Variants in TCF7 observed in about 807,000 individuals in gnomAD.
TCF7 encodes the protein transcription factor 7, also known as T-cell-factor-7.
In TCF7, 19 loss-of-function variants were observed where a neutral mutation model predicts 46.8. The observed-to-expected ratio is 0.41, with a 90% confidence interval of 0.28 to 0.60. The LOEUF (loss-of-function observed/expected upper bound fraction) is 0.60, where lower values mean the gene tolerates loss of function less well. TCF7 is among the 20% of genes least tolerant of loss of function. The pLI, the probability that TCF7 is intolerant of heterozygous loss-of-function variation, is 0.35. For synonymous variants in TCF7, 245 were observed against 213.4 expected (o/e 1.15, Z -1.29); for missense variants, 547 against 504.6 (o/e 1.08, Z -0.81).
At chr5:134,118,155 T>G (rs143824291) in intron 3 of TCF7, among the ~76,000 whole-genome samples, 13 of 152,328 alleles carry the variant, frequency 8.5e-5, no homozygotes, top group African/African-American at 2.4e-4. Flanking sequence ...AGAAGCATAT[T>G]TATTATTGGA....
upstream of TCF7, among the ~76,000 whole-genome samples, chr5:134,114,544 G>A (rs1208979012): frequency 6.6e-6 from 1 of 151,990 alleles, no homozygotes. Flanking sequence ...CTCTCTCAGG[G>A]TGCGCTCCGG....
intron 3 of TCF7, among the ~76,000 whole-genome samples, chr5:134,133,739 C>T (rs1305659632): frequency 6.6e-6 from 1 of 152,166 alleles, no homozygotes; most frequent in Non-Finnish European, 1.5e-5. Flanking sequence ...AGTGAGTTCT[C>T]TGCCCCACCC....
chr5:134,119,789 T>C (rs1756325222), intron 3 of TCF7, among the ~76,000 whole-genome samples: 1 of 152,234 alleles, frequency 6.6e-6, no homozygotes, highest in Admixed American at 6.5e-5. Context: ...CGAGGAGCTT[T>C]GCAGAGATGC....
At chr5:134,125,525 C>G (rs776922016) in intron 3 of TCF7, among the ~76,000 whole-genome samples, 3 of 152,232 alleles carry the variant, frequency 2.0e-5, no homozygotes, top group Non-Finnish European at 4.4e-5. Flanking sequence ...AAGCTTCAGG[C>G]CCTGTGGCTG....
intron 3 of TCF7, among the ~76,000 whole-genome samples, chr5:134,121,040 G>A (rs1196493632): frequency 2.0e-5 from 3 of 152,160 alleles, no homozygotes; most frequent in Non-Finnish European, 4.4e-5. Context: ...GGAGGGGTCT[G>A]GAGGTCTGAA....
chr5:134,142,983 C>T lies in TCF7; in HGVS notation c.919-10C>T, dbSNP rs1275567103. 1 of 1,613,788 alleles carries T rather than the reference C, an allele frequency of 6.2e-7. No homozygotes were observed. Among genetic ancestry groups the T allele is most frequent in the Admixed American group, 1.7e-5 (1 of 59,972 alleles). On this transcript the variant is annotated splice_polypyrimidine_tract_variant and intron_variant, in intron 7 of 9. Coordinates refer to ENST00000342854, the MANE Select transcript of TCF7 (RefSeq NM_003202.5). ...TGATGCACCCCACCTGCCCCTCTTC[C>T]CTGTTGCAGTGGCACGCGCTGTCGC...
chr5:134,146,276 C>G lies in TCF7; in HGVS notation c.1128C>G (p.Ala376=). Residue 376 remains alanine, a synonymous_variant, in exon 10 of 10, where the codon GCC becomes GCG. Transcript: ENST00000342854. ...ACCCGGAGAAGGCCGCTGCCCCAGC[C>G]CCGTTCCTTCCGATGACAGTGCTCT... is the stretch of plus-strand genomic sequence containing the variant. ...GTYPEKAAAP[A]PFLPMTVL is the part of the protein sequence containing the mutation. 1 of 1,614,172 alleles carries G rather than the reference C, an allele frequency of 6.2e-7. No homozygotes were observed. Among genetic ancestry groups the G allele is most frequent in the Non-Finnish European group, 8.5e-7 (1 of 1,180,020 alleles).
rs767180952 is a variant in TCF7 at position 134,115,025 on chromosome 5, G to C, written c.119G>C (p.Ser40Thr). 4 of 1,257,808 alleles carry C rather than the reference G, an allele frequency of 3.2e-6. No individual in the cohort carries two copies. In the Admixed American group the frequency reaches 8.2e-5, roughly 26 times the overall value. 77.9% of individuals were successfully genotyped at this position (1,257,808 alleles called of 1,614,324 possible). A position where few individuals can be genotyped will look rare whatever the true frequency, so the allele number is the denominator to read the frequency against. ...GEEQDDKSRD[S>T]AAGPERDLAE... ...GAGCAGGACGACAAGAGCCGCGACA[G>C]CGCCGCCGGTCCCGAGCGCGACCTG... Residue 40 changes from serine (S) to threonine (T), a missense_variant, in exon 1 of 10, where the codon AGC (serine) becomes ACC (threonine). Transcript: ENST00000342854.
intron 3 of TCF7, among the ~76,000 whole-genome samples, chr5:134,117,479 T>TGATTAGACAA (rs1755982781): frequency 6.6e-6 from 1 of 152,214 alleles, no homozygotes. Context: ...CGTGGAACCA[T>TGATTAGACAA]GATTAGACAA....
Position 134,115,303 on chromosome 5 carries a change from CT to C in TCF7, c.250-17del, listed in dbSNP as rs1310507245. 14 of 1,561,026 alleles carry C rather than the reference CT, an allele frequency of 9.0e-6. No homozygotes were observed. The African/African-American group carries it at 1.7e-4, about 19-fold the overall frequency. On this transcript the variant is annotated splice_polypyrimidine_tract_variant and intron_variant, in intron 1 of 9. Coordinates refer to ENST00000342854, the MANE Select transcript of TCF7 (RefSeq NM_003202.5). ...CGCGGTCCCACCGCCCCTCACTCCC[CT>C]CCGGTTCTCCCTCCAGGCTCTCGGG...
intron 3 of TCF7, among the ~76,000 whole-genome samples, chr5:134,134,343 C>T (rs1270217880): frequency 6.6e-6 from 1 of 152,254 alleles, no homozygotes; most frequent in Non-Finnish European, 1.5e-5. Context: ...GATGGCAAGG[C>T]CTCCTCTGAA....
chr5:134,115,191 TCGCCG>T (rs1329937997), intron 1 of TCF7, 36 bp downstream of exon 1: 2 of 1,079,148 alleles, frequency 1.9e-6, no homozygotes, highest in Non-Finnish European at 2.3e-6. Flanking sequence ...TCCCCCGCGG[TCGCCG>T]CGCCGCGCCG....
intron 4 of TCF7, 156 bp downstream of exon 4, chr5:134,138,320 G>A: frequency 3.1e-6 from 2 of 635,502 alleles, no homozygotes; most frequent in Non-Finnish European, 5.4e-6. Context: ...GATGGACTGG[G>A]GGTATAAGGG....
chr5:134,140,808 T>G, intron 5 of TCF7: 1 of 455,614 alleles, frequency 2.2e-6, no homozygotes, highest in South Asian at 1.5e-5. Flanking sequence ...CCAGCCCTCC[T>G]CTCTACCCCC....
At chr5:134,114,107 A>G (rs1270609283), upstream of TCF7, among the ~76,000 whole-genome samples, 2 of 152,206 alleles carry the variant, frequency 1.3e-5, no homozygotes, top group African/African-American at 4.8e-5. Flanking sequence ...CAGGAGCTCA[A>G]TAAATGTGCG....
Position 134,146,247 on chromosome 5 carries a change from A to C in TCF7, c.1099A>C (p.Thr367Pro). The C allele has an allele frequency of 6.2e-7, 1 of 1,614,198 alleles. No homozygotes were observed. Among genetic ancestry groups the C allele is most frequent in the African/African-American group, 1.3e-5 (1 of 75,040 alleles). The change falls in exon 10 of 10, where the codon ACT becomes CCT. Residue 367 changes from threonine to proline, a missense_variant. Thr to Pro is a conservative substitution (Grantham distance 38). Transcript: ENST00000342854. ...AGGAGGAAAAAGAAATGCATTCGGT[A>C]CTTACCCGGAGAAGGCCGCTGCCCC... Reference protein sequence around the residue: ...TTGGKRNAFGTYPEKAAAPAP... With the variant: ...TTGGKRNAFGPYPEKAAAPAP...
intron 9 of TCF7, 194 bp downstream of exon 9, chr5:134,143,834 G>T: frequency 3.2e-6 from 2 of 619,922 alleles, no homozygotes; most frequent in Non-Finnish European, 2.8e-6. Context: ...TAAGTCCCAG[G>T]GAAACCCAGC....
chr5:134,118,682 G>A (rs1486589681), intron 3 of TCF7, among the ~76,000 whole-genome samples: 1 of 152,106 alleles, frequency 6.6e-6, no homozygotes, highest in East Asian at 1.9e-4. Flanking sequence ...TTAGGTCAAA[G>A]TTTATTCCAT....
chr5:134,125,718 G>A (rs1215121427), intron 3 of TCF7, among the ~76,000 whole-genome samples: 3 of 152,248 alleles, frequency 2.0e-5, no homozygotes, highest in Non-Finnish European at 4.4e-5. Context: ...CTGGGAGGGT[G>A]CTAGTCTGGT....
Sources: allele counts gnomAD v4.1 joint callset (sites outside exome capture counted in the v4.1 genomes callset), GRCh38; gene constraint gnomAD v4.1.1; transcripts MANE v1.5; gene names NCBI Gene and HGNC (gene_info 2026-07-23, HGNC 2026-07-21).